TCF12: variants seen among roughly 807,000 people sequenced by gnomAD.
TCF12 encodes transcription factor 12.
In TCF12, 45 loss-of-function variants were observed where a neutral mutation model predicts 86.0. The ratio of observed to expected loss-of-function variants is 0.52; its 90% CI spans 0.41 to 0.67. The LOEUF is 0.67. Ranked by LOEUF, TCF12 falls within the 30% of genes least tolerant of loss-of-function variation. The probability of loss-of-function intolerance (pLI) is 0.00; values close to 1 mark genes in which losing one functional copy is unlikely to be tolerated. For synonymous variants in TCF12, 330 were observed against 299.6 expected, an observed-to-expected ratio of 1.10 and a Z score of -1.05; for missense variants, 881 against 859.9, an observed-to-expected ratio of 1.02 and a Z score of -0.31.
chr15:57,025,542 T>C (rs1303724799), intron 3 of TCF12, among the ~76,000 whole-genome samples: 1 of 152,158 alleles, frequency 6.6e-6, no homozygotes, highest in Non-Finnish European at 1.5e-5. Flanking sequence ...AAATCATGTA[T>C]TAAATGACAC....
At chr15:57,116,791 G>A (rs1232277161) in intron 5 of TCF12, among the ~76,000 whole-genome samples, 14 of 152,172 alleles carry the variant, frequency 9.2e-5, no homozygotes, top group Admixed American at 5.9e-4. Context: ...ATAATGCTTC[G>A]TTATTTTATT....
At chr15:57,219,323 T>G (rs2058469379) in intron 8 of TCF12, 2 of 1,226,610 alleles carry the variant, frequency 1.6e-6, no homozygotes, top group Non-Finnish European at 2.0e-6. Context: ...TGATGGAAAT[T>G]GAAAGAGGTT....
intron 5 of TCF12, among the ~76,000 whole-genome samples, chr15:57,162,223 A>C (rs543185127): frequency 6.9e-6 from 1 of 144,694 alleles, no homozygotes; most frequent in Non-Finnish European, 1.5e-5. Context: ...TACTTCATTT[A>C]TGTATATTTA....
At chr15:57,141,094 C>T (rs2052928520) in intron 5 of TCF12, among the ~76,000 whole-genome samples, 1 of 152,194 alleles carries the variant, frequency 6.6e-6, no homozygotes, top group Non-Finnish European at 1.5e-5. Context: ...CAAACTGTGA[C>T]AGCCGGTCCT....
chr15:57,282,595 C>T lies in TCF12; in HGVS notation c.*8C>T. The T allele has an allele frequency of 6.2e-7, 1 of 1,611,728 alleles. No homozygotes were observed. The highest frequency in any genetic ancestry group is 8.5e-7 in the Non-Finnish European group (1 of 1,179,424). Reference sequence around the variant, plus strand: ...CCTATGGGTCATATGTAAACATCAGCCAGGTAAGTACGGGTTTGAAAAGAA... The same window carrying T: ...CCTATGGGTCATATGTAAACATCAGTCAGGTAAGTACGGGTTTGAAAAGAA... On this transcript the variant is annotated 3_prime_UTR_variant, in exon 20 of 21. Coordinates refer to ENST00000333725, the MANE Select transcript of TCF12 (RefSeq NM_207037.2).
At chr15:57,196,883 C>A (rs2057292637) in intron 7 of TCF12, among the ~76,000 whole-genome samples, 4 of 152,034 alleles carry the variant, frequency 2.6e-5, no homozygotes, top group Admixed American at 2.6e-4. Flanking sequence ...TGTCAATGCC[C>A]ATATTTAATA....
At position 57,063,818 on chromosome 15, in the gene TCF12, T is replaced by A. The variant is rs2068643548; in HGVS notation, c.217T>A (p.Ser73Thr). 6.3e-7 allele frequency: 1 copy of A among 1,595,948 alleles called. No individual in the cohort carries two copies. Among genetic ancestry groups the A allele is most frequent in the Non-Finnish European group, 8.6e-7 (1 of 1,166,004 alleles). Reference sequence around the variant, plus strand: ...TCAACCAAGTCCTTCCTATGATTCATCTAGAGTAAGTTTGCTGATCAACCC... The same window carrying A: ...TCAACCAAGTCCTTCCTATGATTCAACTAGAGTAAGTTTGCTGATCAACCC... The part of the protein sequence containing the change: ...SGQPSPSYDS[S>T]RGFTDSPHYS... The change falls in exon 4 of 21, where the codon TCT (serine) becomes ACT (threonine). Residue 73 changes from serine (S) to threonine (T), a missense_variant. Transcript: ENST00000333725.
At chr15:57,262,986 C>A in intron 17 of TCF12, 126 bp from the exon 18 acceptor site, 1 of 961,662 alleles carries the variant, frequency 1.0e-6, no homozygotes, top group Non-Finnish European at 1.5e-6. Flanking sequence ...CCTACATCTT[C>A]AAACCTCCAT....
intron 3 of TCF12, among the ~76,000 whole-genome samples, chr15:56,928,857 G>T (rs1354066197): frequency 6.6e-6 from 1 of 152,162 alleles, no homozygotes; most frequent in Non-Finnish European, 1.5e-5. Context: ...TGACTGGAAA[G>T]GATAGAACGC....
chr15:57,065,368 T>G (rs2068785322), intron 4 of TCF12, among the ~76,000 whole-genome samples: 1 of 152,230 alleles, frequency 6.6e-6, no homozygotes, highest in Non-Finnish European at 1.5e-5. Flanking sequence ...TTAAACTGGT[T>G]GATACCCAAA....
At chr15:57,027,552 T>C (rs2065896058) in intron 3 of TCF12, among the ~76,000 whole-genome samples, 1 of 152,186 alleles carries the variant, frequency 6.6e-6, no homozygotes, top group Non-Finnish European at 1.5e-5. Context: ...TGGTCATTTT[T>C]TTTTCTTGGA....
intron 4 of TCF12, among the ~76,000 whole-genome samples, chr15:57,082,758 C>G (rs909204785): frequency 2.0e-5 from 3 of 152,088 alleles, no homozygotes; most frequent in African/African-American, 7.2e-5. Flanking sequence ...TTGGCAATAT[C>G]TAGTAAATTT....
At chr15:56,986,866 C>T (rs2063203390) in intron 3 of TCF12, among the ~76,000 whole-genome samples, 1 of 152,130 alleles carries the variant, frequency 6.6e-6, no homozygotes, top group Non-Finnish European at 1.5e-5. Flanking sequence ...ACATGTAATA[C>T]ATAGCAGGAT....
At chr15:56,944,378 G>A (rs934537262) in intron 3 of TCF12, among the ~76,000 whole-genome samples, 9 of 152,140 alleles carry the variant, frequency 5.9e-5, no homozygotes, top group African/African-American at 1.4e-4. Context: ...TCAGCCGAGA[G>A]CAAGATAATA....
At chr15:57,043,970 G>A (rs758259290) in intron 3 of TCF12, among the ~76,000 whole-genome samples, 6 of 151,294 alleles carry the variant, frequency 4.0e-5, no homozygotes, top group Non-Finnish European at 5.9e-5. Context: ...CTTTTTTACC[G>A]AAAACTATGA....
intron 8 of TCF12, among the ~76,000 whole-genome samples, chr15:57,217,682 T>C (rs950310814): frequency 2.0e-5 from 3 of 152,212 alleles, no homozygotes; most frequent in Non-Finnish European, 4.4e-5. Flanking sequence ...GTAAGTGTTA[T>C]TTTTAATAAT....
chr15:57,147,896 T>A (rs1055768512), intron 5 of TCF12, among the ~76,000 whole-genome samples: 35 of 151,782 alleles, frequency 2.3e-4, no homozygotes, highest in Non-Finnish European at 4.7e-4. Context: ...TTTTTTTTTT[T>A]TTTAAACAAA....
At chr15:57,113,649 TAA>T (rs1185300739) in intron 5 of TCF12, among the ~76,000 whole-genome samples, 1 of 151,696 alleles carries the variant, frequency 6.6e-6, no homozygotes, top group Non-Finnish European at 1.5e-5. Flanking sequence ...TGTTGAAAAG[TAA>T]ATTTAGGCTG....
intron 3 of TCF12, among the ~76,000 whole-genome samples, chr15:57,061,967 G>GT (rs761903076): frequency 1.3e-5 from 2 of 149,174 alleles, no homozygotes; most frequent in South Asian, 2.1e-4. Flanking sequence ...TTTTTTTTTT[G>GT]TTTTTTTGAG....
Sources: gnomAD v4.1 joint callset for allele counts (sites outside exome capture counted in the v4.1 genomes callset) on GRCh38, gnomAD v4.1.1 for gene constraint, MANE v1.5 for transcripts, NCBI Gene and HGNC (gene_info 2026-07-23, HGNC 2026-07-21) for gene names.